ZNF385D: variants seen among roughly 807,000 people sequenced by gnomAD.
ZNF385D encodes zinc finger protein 659.
A neutral mutation model predicts 35.8 loss-of-function variants in ZNF385D; 15 were observed. That is an observed-to-expected ratio of 0.42 (90% CI 0.28 to 0.64). ZNF385D has a LOEUF of 0.64. Among genes scored for constraint, ZNF385D ranks in the 30% least tolerant of loss-of-function variants. The pLI, the probability that ZNF385D is intolerant of heterozygous loss-of-function variation, is 0.23. For missense variants in ZNF385D, 474 were observed against 494.6 expected (o/e 0.96, Z 0.39); for synonymous variants, 212 against 186.8 (o/e 1.13, Z -1.10).
chr3:21,786,631 G>A (rs1411998023), intron 3 of ZNF385D, among the ~76,000 whole-genome samples: 1 of 152,154 alleles, frequency 6.6e-6, no homozygotes, highest in African/African-American at 2.4e-5. Flanking sequence ...TGCAAAAACT[G>A]TGATCTGGAA....
intron 3 of ZNF385D, among the ~76,000 whole-genome samples, chr3:22,004,372 C>T (rs942884266): frequency 7.2e-6 from 1 of 138,578 alleles, no homozygotes; most frequent in Admixed American, 6.9e-5. Flanking sequence ...TTGGTCTAAA[C>T]AAAAGTATTA....
chr3:21,842,668 A>G (rs983423935), intron 3 of ZNF385D, among the ~76,000 whole-genome samples: 2 of 152,048 alleles, frequency 1.3e-5, no homozygotes, highest in Non-Finnish European at 1.5e-5. Flanking sequence ...CTGTAAGTGG[A>G]ATGAAAGCCT....
intron 3 of ZNF385D, among the ~76,000 whole-genome samples, chr3:21,757,801 T>C (rs374106273): frequency 6.6e-6 from 1 of 152,206 alleles, no homozygotes; most frequent in Non-Finnish European, 1.5e-5. Context: ...TTACAGTTTA[T>C]TGCTTCTTTC....
At chr3:21,730,313 A>T (rs933019622) in intron 1 of ZNF385D, among the ~76,000 whole-genome samples, 1 of 152,222 alleles carries the variant, frequency 6.6e-6, no homozygotes, top group African/African-American at 2.4e-5. Context: ...CAGTTCCCCA[A>T]AGGGGAAAAG....
At chr3:22,074,307 T>C (rs953190020) in intron 3 of ZNF385D, among the ~76,000 whole-genome samples, 1 of 151,984 alleles carries the variant, frequency 6.6e-6, no homozygotes, top group African/African-American at 2.4e-5. Flanking sequence ...ATTAGATACA[T>C]AGTTACCATA....
intron 2 of ZNF385D, among the ~76,000 whole-genome samples, chr3:22,276,387 C>A (rs1467431057): frequency 4.6e-5 from 7 of 152,018 alleles, no homozygotes; most frequent in Non-Finnish European, 1.0e-4. Flanking sequence ...CTTATCTTAG[C>A]ATAGTGATCT....
intron 1 of ZNF385D, among the ~76,000 whole-genome samples, chr3:21,689,504 A>C (rs1272766161): frequency 6.6e-6 from 1 of 152,182 alleles, no homozygotes; most frequent in Non-Finnish European, 1.5e-5. Context: ...TACAATAGTC[A>C]CTGGAAATTC....
At chr3:22,003,529 C>T (rs1695990475) in intron 3 of ZNF385D, among the ~76,000 whole-genome samples, 1 of 152,026 alleles carries the variant, frequency 6.6e-6, no homozygotes, top group Non-Finnish European at 1.5e-5. Flanking sequence ...TCAATGCAAT[C>T]TTTTTCAAAA....
At chr3:21,686,629 C>A (rs2067114098) in intron 1 of ZNF385D, among the ~76,000 whole-genome samples, 2 of 152,166 alleles carry the variant, frequency 1.3e-5, no homozygotes, top group South Asian at 4.1e-4. Flanking sequence ...CCTTTGAAAA[C>A]CAGTGTGTAT....
At chr3:21,898,211 G>C (rs1459495707) in intron 3 of ZNF385D, among the ~76,000 whole-genome samples, 1 of 152,108 alleles carries the variant, frequency 6.6e-6, no homozygotes, top group Non-Finnish European at 1.5e-5. Flanking sequence ...ACATTTCAGT[G>C]ATGTTCGATA....
intron 2 of ZNF385D, among the ~76,000 whole-genome samples, chr3:22,179,429 C>T (rs1695067746): frequency 2.6e-5 from 4 of 152,328 alleles, no homozygotes; most frequent in East Asian, 3.9e-4. Context: ...TTTTTGCACA[C>T]TGATTTTGTA....
intron 3 of ZNF385D, among the ~76,000 whole-genome samples, chr3:22,017,565 T>C (rs1696969056): frequency 6.6e-6 from 1 of 151,990 alleles, no homozygotes; most frequent in Admixed American, 6.6e-5. Flanking sequence ...TTTTGTGTCT[T>C]CATTGCTTCC....
intron 2 of ZNF385D, among the ~76,000 whole-genome samples, chr3:22,208,229 C>T (rs1457213904): frequency 1.3e-5 from 2 of 151,880 alleles, no homozygotes; most frequent in Non-Finnish European, 2.9e-5. Flanking sequence ...AAATGTGCTA[C>T]ATATACACAA....
Position 21,940,470 on chromosome 3 carries a change from T to C in ZNF385D, c.325+228347A>G, listed in dbSNP as rs546471389. ...ATTTTTTACAACATAGCAAATGCAA[T>C]GTTACATCTGGGTATTATCAGTTCG... On this transcript the variant is annotated intron_variant, in intron 3 of 5. Coordinates refer to the ZNF385D transcript ENST00000494108. Among the ~76,000 whole-genome samples the C allele has an allele frequency of 3.3e-5, 5 of 152,318 alleles. No homozygotes were observed. In the East Asian group the frequency reaches 9.6e-4, roughly 29 times the overall value.
chr3:22,085,331 A>T (rs954193378), intron 3 of ZNF385D, among the ~76,000 whole-genome samples: 1 of 152,220 alleles, frequency 6.6e-6, no homozygotes, highest in Non-Finnish European at 1.5e-5. Flanking sequence ...ACCTCTAACA[A>T]GACTAATAAA....
chr3:21,672,041 T>C (rs770840587), intron 1 of ZNF385D, among the ~76,000 whole-genome samples: 57 of 152,166 alleles, frequency 3.7e-4, no homozygotes, highest in Non-Finnish European at 3.8e-4. Context: ...AGGTTGTTGG[T>C]TGGGGATAAC....
intron 2 of ZNF385D, among the ~76,000 whole-genome samples, chr3:22,316,724 A>G (rs1703908879): frequency 6.6e-6 from 1 of 152,212 alleles, no homozygotes; most frequent in Non-Finnish European, 1.5e-5. Flanking sequence ...TTGATAATCA[A>G]TTAAATAATG....
intron 3 of ZNF385D, among the ~76,000 whole-genome samples, chr3:21,948,854 C>A (rs981977853): frequency 1.3e-5 from 2 of 151,950 alleles, no homozygotes; most frequent in Admixed American, 1.3e-4. Flanking sequence ...TGTCTTTGAT[C>A]TAAAAATCTT....
intron 3 of ZNF385D, among the ~76,000 whole-genome samples, chr3:21,811,592 T>A (rs1356312065): frequency 1.3e-5 from 2 of 152,170 alleles, no homozygotes; most frequent in Non-Finnish European, 1.5e-5. Context: ...TGTATGGCGA[T>A]AACTAACTTC....
Sources: allele counts gnomAD v4.1 joint callset (sites outside exome capture counted in the v4.1 genomes callset), GRCh38; gene constraint gnomAD v4.1.1; transcripts MANE v1.5; gene names NCBI Gene and HGNC (gene_info 2026-07-23, HGNC 2026-07-21).